The following C12orf42 variants were observed in gnomAD, a reference collection of about 807,000 sequenced individuals.
The protein encoded by C12orf42 is chromosome 12 open reading frame 42.
A neutral mutation model predicts 21.6 loss-of-function variants in C12orf42; 25 were observed. The observed-to-expected ratio is 1.16, with a 90% CI of 0.84 to 1.62. The LOEUF is 1.62. Among genes scored for constraint, C12orf42 ranks in the 40% most tolerant of loss-of-function variants. C12orf42 has a pLI of 0.00. For missense variants in C12orf42, 483 were observed against 459.3 expected, an observed-to-expected ratio of 1.05 and a Z score of -0.47; for synonymous variants, 174 against 175.0, an observed-to-expected ratio of 0.99 and a Z score of 0.05.
the C12orf42 span, among the ~76,000 whole-genome samples, chr12:103,098,254 C>T: frequency 2.6e-3 from 399 of 152,230 alleles, 1 homozygote; most frequent in African/African-American, 9.2e-3. Context: ...GGCCCTGTGG[C>T]CTATTAGGTA....
chr12:103,068,531 T>A, the C12orf42 span, among the ~76,000 whole-genome samples: 1 of 152,018 alleles, frequency 6.6e-6, no homozygotes, highest in African/African-American at 2.4e-5. Flanking sequence ...GGATGCAAAG[T>A]ATTGATCCTG....
chr12:103,522,469 T>C, the C12orf42 span, among the ~76,000 whole-genome samples: 3 of 152,116 alleles, frequency 2.0e-5, no homozygotes, highest in Non-Finnish European at 2.9e-5. Context: ...TTTGGCAACA[T>C]TGCACCTCAA....
chr12:103,213,557 G>C, the C12orf42 span, among the ~76,000 whole-genome samples: 1 of 152,158 alleles, frequency 6.6e-6, no homozygotes, highest in East Asian at 1.9e-4. Context: ...TATGTCCTCA[G>C]TGCCAGCAAA....
At chr12:103,122,795 T>C in the C12orf42 span, among the ~76,000 whole-genome samples, 1 of 152,098 alleles carries the variant, frequency 6.6e-6, no homozygotes, top group Non-Finnish European at 1.5e-5. Flanking sequence ...ATAGGGACTT[T>C]GTCTTTTTAC....
At chr12:103,478,929 T>G (rs1954270077) in intron 1 of C12orf42, among the ~76,000 whole-genome samples, 1 of 152,200 alleles carries the variant, frequency 6.6e-6, no homozygotes, top group Non-Finnish European at 1.5e-5. Context: ...TTGGGGATTT[T>G]GATGTGAACA....
At chr12:103,195,532 A>G in the C12orf42 span, among the ~76,000 whole-genome samples, 1 of 151,992 alleles carries the variant, frequency 6.6e-6, no homozygotes, top group East Asian at 1.9e-4. Context: ...ATTTGCATTT[A>G]TATTATGATT....
the C12orf42 span, among the ~76,000 whole-genome samples, chr12:103,122,115 C>T: frequency 1.3e-5 from 2 of 152,172 alleles, no homozygotes; most frequent in Non-Finnish European, 2.9e-5. Context: ...GGAGGAAGAA[C>T]TGTGGCTGCA....
the C12orf42 span, among the ~76,000 whole-genome samples, chr12:103,112,021 TTA>T: frequency 2.0e-5 from 3 of 152,232 alleles, no homozygotes; most frequent in Admixed American, 6.5e-5. Context: ...CTGATGAGTT[TTA>T]GTCTGTGGTC....
At chr12:103,337,552 C>T (rs1400921267) in intron 4 of C12orf42, among the ~76,000 whole-genome samples, 1 of 152,150 alleles carries the variant, frequency 6.6e-6, no homozygotes, top group Non-Finnish European at 1.5e-5. Flanking sequence ...CGGGGTTTCA[C>T]AATGTTGGCC....
chr12:103,325,668 T>C (rs1052306806), intron 4 of C12orf42, among the ~76,000 whole-genome samples: 7 of 152,222 alleles, frequency 4.6e-5, no homozygotes, highest in Non-Finnish European at 1.0e-4. Context: ...CTCAGCATGG[T>C]TGTCTTGGCA....
At chr12:103,319,450 T>G (rs759595045) in intron 4 of C12orf42, among the ~76,000 whole-genome samples, 2 of 152,198 alleles carry the variant, frequency 1.3e-5, no homozygotes, top group Non-Finnish European at 2.9e-5. Flanking sequence ...ACATAGATAT[T>G]ATTTTGAAAT....
At chr12:103,126,152 G>A in the C12orf42 span, among the ~76,000 whole-genome samples, 2 of 152,174 alleles carry the variant, frequency 1.3e-5, no homozygotes, top group Non-Finnish European at 2.9e-5. Context: ...GGCAGCACAA[G>A]GAAGAAATCT....
At chr12:103,166,368 A>C in the C12orf42 span, among the ~76,000 whole-genome samples, 1 of 152,244 alleles carries the variant, frequency 6.6e-6, no homozygotes, top group Non-Finnish European at 1.5e-5. Flanking sequence ...TTGTTATTAA[A>C]GAAAGGTGAT....
At chr12:103,378,162 C>A (rs1475197988) in intron 3 of C12orf42, among the ~76,000 whole-genome samples, 2 of 152,178 alleles carry the variant, frequency 1.3e-5, no homozygotes, top group Admixed American at 6.5e-5. Context: ...TGCCCACATG[C>A]AACCTATTTG....
chr12:103,381,575 C>G (rs1254018364), intron 3 of C12orf42, among the ~76,000 whole-genome samples: 1 of 152,166 alleles, frequency 6.6e-6, no homozygotes, highest in Admixed American at 6.5e-5. Flanking sequence ...AGCACAGACG[C>G]TGGAGCTAGA....
At chr12:103,399,022 C>CT (rs1474241037) in intron 3 of C12orf42, among the ~76,000 whole-genome samples, 1 of 151,940 alleles carries the variant, frequency 6.6e-6, no homozygotes, top group African/African-American at 2.4e-5. Flanking sequence ...TGCATACTAT[C>CT]TCTTCATTTA....
chr12:103,254,559 C>T (rs2034460860), intron 10 of C12orf42, among the ~76,000 whole-genome samples: 4 of 152,154 alleles, frequency 2.6e-5, no homozygotes. Flanking sequence ...AATAAGATAG[C>T]ACATCTACAA....
At chr12:103,475,495 T>C (rs1953980267) in intron 2 of C12orf42, among the ~76,000 whole-genome samples, 1 of 152,212 alleles carries the variant, frequency 6.6e-6, no homozygotes, top group South Asian at 2.1e-4. Context: ...GTGGCTGTGA[T>C]TTAACATCTC....
intron 2 of C12orf42, among the ~76,000 whole-genome samples, chr12:103,463,425 C>T (rs1952876596): frequency 6.6e-6 from 1 of 152,048 alleles, no homozygotes; most frequent in Non-Finnish European, 1.5e-5. Context: ...CCATGTATAT[C>T]ACATATAGTG....
Sources: gnomAD v4.1 joint callset for allele counts (sites outside exome capture counted in the v4.1 genomes callset) on GRCh38, gnomAD v4.1.1 for gene constraint, MANE v1.5 for transcripts, NCBI Gene and HGNC (gene_info 2026-07-23, HGNC 2026-07-21) for gene names.